The following LURAP1L variants were observed in gnomAD, a reference collection of about 807,000 sequenced individuals.
The protein encoded by LURAP1L is leucine rich adaptor protein 1-like.
Under a neutral mutation model 13.8 loss-of-function variants are expected in LURAP1L, and 12 were observed. The ratio of observed to expected loss-of-function variants is 0.87; its 90% confidence interval spans 0.56 to 1.41. LURAP1L has a LOEUF of 1.41. LURAP1L is among the 40% of genes most tolerant of loss of function. The pLI is 0.00. For synonymous variants in LURAP1L, 139 were observed against 119.2 expected (o/e 1.17, Z -1.08); for missense variants, 375 against 292.9 (o/e 1.28, Z -2.04).
chr9:12,789,354 G>A (rs1027541974), intron 1 of LURAP1L, among the ~76,000 whole-genome samples: 11 of 152,104 alleles, frequency 7.2e-5, no homozygotes, highest in Non-Finnish European at 1.5e-4. Context: ...CTTTGGCTCA[G>A]GAAAAGATGA....
intron 1 of LURAP1L, among the ~76,000 whole-genome samples, chr9:12,810,234 G>T (rs1819718106): frequency 6.6e-6 from 1 of 152,144 alleles, no homozygotes; most frequent in African/African-American, 2.4e-5. Context: ...CCCTGAGACT[G>T]GGTCCCTTTG....
chr9:12,812,309 A>G (rs1160712065), intron 1 of LURAP1L, among the ~76,000 whole-genome samples: 1 of 152,230 alleles, frequency 6.6e-6, no homozygotes, highest in Non-Finnish European at 1.5e-5. Flanking sequence ...GTACAGAATC[A>G]TAAAACTGGT....
rs116787446 is a variant in LURAP1L, at chr9:12,775,804, G to C, written c.89G>C (p.Gly30Ala). 8 of 1,608,132 alleles carry C rather than the reference G, an allele frequency of 5.0e-6. No homozygotes were observed. Residue 30 changes from glycine (G) to alanine (A), a missense_variant, in exon 1 of 2, where the codon GGG becomes GCG. Gly to Ala is a moderately conservative substitution (Grantham distance 60). Coordinates refer to ENST00000319264, the MANE Select transcript of LURAP1L (RefSeq NM_203403.2). ...VPESLVRSLR[G>A]EEPVPRERDR... ...GAGAGTCTAGTGCGCTCTCTCCGTG[G>C]GGAGGAGCCGGTTCCCAGGGAAAGG...
At chr9:12,796,390 A>G (rs557516453) in intron 1 of LURAP1L, among the ~76,000 whole-genome samples, 2 of 152,112 alleles carry the variant, frequency 1.3e-5, no homozygotes, top group South Asian at 4.1e-4. Flanking sequence ...TGAAATTATA[A>G]TTTATAACTT....
intron 1 of LURAP1L, among the ~76,000 whole-genome samples, chr9:12,816,968 T>C (rs1473980054): frequency 6.6e-6 from 1 of 152,212 alleles, no homozygotes; most frequent in Non-Finnish European, 1.5e-5. Flanking sequence ...TCAGTTCATT[T>C]TGCCAAGTGT....
chr9:12,794,307 T>C (rs948729392), intron 1 of LURAP1L, among the ~76,000 whole-genome samples: 1 of 152,128 alleles, frequency 6.6e-6, no homozygotes, highest in African/African-American at 2.4e-5. Context: ...TTTTGTTTGC[T>C]TTCTGTCTTA....
intron 1 of LURAP1L, among the ~76,000 whole-genome samples, chr9:12,801,363 G>A (rs2118513590): frequency 6.6e-6 from 1 of 151,912 alleles, no homozygotes. Context: ...TGGTGAAGTT[G>A]TGAATGAGGA....
chr9:12,779,945 T>C (rs1819246477), intron 1 of LURAP1L, among the ~76,000 whole-genome samples: 1 of 152,162 alleles, frequency 6.6e-6, no homozygotes, highest in African/African-American at 2.4e-5. Context: ...TACCCTTTCC[T>C]TTTGGCCACT....
At chr9:12,810,300 A>G (rs548750330) in intron 1 of LURAP1L, among the ~76,000 whole-genome samples, 1 of 152,272 alleles carries the variant, frequency 6.6e-6, no homozygotes, top group Admixed American at 6.5e-5. Flanking sequence ...CACCAATGAC[A>G]GTTAGTGTTC....
chr9:12,786,970 A>T (rs1192747400), intron 1 of LURAP1L, among the ~76,000 whole-genome samples: 3 of 152,108 alleles, frequency 2.0e-5, no homozygotes, highest in Non-Finnish European at 4.4e-5. Context: ...TGGTGAGCAG[A>T]ATAAAGTTGT....
intron 1 of LURAP1L, among the ~76,000 whole-genome samples, chr9:12,778,250 G>A (rs1246030486): frequency 6.6e-6 from 1 of 152,014 alleles, no homozygotes. Context: ...CCTGTCTAGG[G>A]AGACATTTAG....
chr9:12,782,840 C>T (rs752681215), intron 1 of LURAP1L, among the ~76,000 whole-genome samples: 25 of 152,078 alleles, frequency 1.6e-4, no homozygotes, highest in Non-Finnish European at 2.5e-4. Flanking sequence ...GTTGATCTTC[C>T]AATCCATGAA....
chr9:12,821,165 G>T (rs1819875082), intron 1 of LURAP1L, among the ~76,000 whole-genome samples: 1 of 152,104 alleles, frequency 6.6e-6, no homozygotes, highest in Admixed American at 6.6e-5. Context: ...GGGTTTTATT[G>T]TGCCTTTTGG....
intron 1 of LURAP1L, among the ~76,000 whole-genome samples, chr9:12,778,799 A>G (rs931925912): frequency 6.6e-6 from 1 of 152,248 alleles, no homozygotes; most frequent in Non-Finnish European, 1.5e-5. Flanking sequence ...AGTAGCATGT[A>G]TGAAAGAATT....
intron 1 of LURAP1L, chr9:12,777,593 A>AGCTCAGT (rs1182796462): frequency 1.0e-6 from 1 of 966,606 alleles, no homozygotes; most frequent in Non-Finnish European, 1.2e-6. Context: ...CTTTCTCAGT[A>AGCTCAGT]GCTCACTGAT....
chr9:12,815,583 T>C (rs1044285214), intron 1 of LURAP1L, among the ~76,000 whole-genome samples: 5 of 152,184 alleles, frequency 3.3e-5, no homozygotes, highest in African/African-American at 1.2e-4. Context: ...GCAGGATGGT[T>C]GGGATTTACA....
intron 1 of LURAP1L, among the ~76,000 whole-genome samples, chr9:12,788,953 G>C (rs1819402023): frequency 6.6e-6 from 1 of 151,054 alleles, no homozygotes; most frequent in African/African-American, 2.4e-5. Context: ...CTTAGTCCCA[G>C]CTTCTCAGGA....
At chr9:12,799,463 A>G (rs1042565877) in intron 1 of LURAP1L, among the ~76,000 whole-genome samples, 3 of 152,224 alleles carry the variant, frequency 2.0e-5, no homozygotes, top group Non-Finnish European at 2.9e-5. Context: ...TTTGTATGCT[A>G]AAACCATATA....
At chr9:12,813,345 A>G (rs1819763312) in intron 1 of LURAP1L, among the ~76,000 whole-genome samples, 1 of 152,100 alleles carries the variant, frequency 6.6e-6, no homozygotes. Context: ...ATTTTACTAC[A>G]TTTTACTTTC....
Sources: allele counts gnomAD v4.1 joint callset (sites outside exome capture counted in the v4.1 genomes callset), GRCh38; gene constraint gnomAD v4.1.1; transcripts MANE v1.5; gene names NCBI Gene and HGNC (gene_info 2026-07-23, HGNC 2026-07-21).